Variants in PDLIM1 observed in about 807,000 individuals in gnomAD.
The protein encoded by PDLIM1 is PDZ and LIM domain 1.
PDLIM1 carries 25 observed loss-of-function variants against 35.2 expected under a neutral mutation model. That is an observed-to-expected ratio of 0.71 (90% confidence interval 0.52 to 0.99). The LOEUF (loss-of-function observed/expected upper bound fraction) is 0.99, where lower values mean the gene tolerates loss of function less well. Among genes scored for constraint, PDLIM1 ranks in the 50% least tolerant of loss-of-function variants. The pLI is 0.00. For missense variants in PDLIM1, 363 were observed against 415.3 expected, an observed-to-expected ratio of 0.87 and a Z score of 1.09; for synonymous variants, 152 against 154.0, an observed-to-expected ratio of 0.99 and a Z score of 0.10.
chr10:95,266,679 A>C (rs1025160160), intron 3 of PDLIM1, among the ~76,000 whole-genome samples: 1 of 152,194 alleles, frequency 6.6e-6, no homozygotes, highest in Admixed American at 6.5e-5. Context: ...CCACCGAAAC[A>C]CATTTCCAAT....
chr10:95,290,911 G>A lies in PDLIM1; in HGVS notation c.5C>T (p.Thr2Ile). The change falls in exon 1 of 7, where the codon ACC becomes ATC. Residue 2 changes from threonine to isoleucine, a missense_variant. Physicochemically the swap from Thr to Ile is moderately conservative, Grantham distance 89. Transcript: ENST00000329399. This position sits in a 1 kb window ranked among gnomAD's most constrained non-coding sequence, Gnocchi z 4.7. M[T>I]TQQIDLQGPG... is the part of the protein sequence containing the mutation. The stretch of plus-strand genomic sequence containing the variant: ...GCCCTGGAGGTCTATCTGCTGGGTG[G>A]TCATGGCGCGGCTGTGGCGGGCGAC... The A allele has an allele frequency of 6.5e-7, 1 of 1,549,928 alleles. No individual in the cohort carries two copies.
chr10:95,277,758 C>T (rs1330917793), intron 1 of PDLIM1, among the ~76,000 whole-genome samples: 4 of 152,234 alleles, frequency 2.6e-5, no homozygotes, highest in African/African-American at 9.7e-5. Flanking sequence ...TTCGTCCCCA[C>T]CAGCACCCCA....
rs996660935 is a variant in PDLIM1 at position 95,266,404 on chromosome 10, T to C, written c.334-2341A>G. On this transcript the variant is annotated intron_variant, in intron 3 of 6. Transcript: ENST00000329399. Reference sequence around the variant, plus strand: ...TGTGCCGCAGCCAGGATGGTCATTCTTTCTTCTTCTCTCCATCACCATGGC... The same window carrying C: ...TGTGCCGCAGCCAGGATGGTCATTCCTTCTTCTTCTCTCCATCACCATGGC... Among the ~76,000 whole-genome samples, 24 of 152,136 alleles carry C rather than the reference T, an allele frequency of 1.6e-4. 1 individual carries two copies. The highest frequency in any genetic ancestry group is 5.8e-4 in the African/African-American group (24 of 41,414).
At position 95,285,440 on chromosome 10, in the gene PDLIM1, G is replaced by A. The variant is rs112763678; in HGVS notation, c.96+5380C>T. 4.9e-4 allele frequency among the ~76,000 whole-genome samples: 74 copies of A among 152,308 alleles called. 1 individual carries two copies. Among genetic ancestry groups the A allele is most frequent in the African/African-American group, 1.6e-3 (66 of 41,570 alleles). ...CACTGTTAGCAATGAAATATTGACA[G>A]TTATGGCTTATTAGGAGGCAGAATA... On this transcript the variant is annotated intron_variant, in intron 1 of 6. Coordinates refer to ENST00000329399, the MANE Select transcript of PDLIM1 (RefSeq NM_020992.4).
chr10:95,264,830 C>G (rs2035398849), intron 3 of PDLIM1, among the ~76,000 whole-genome samples: 1 of 152,166 alleles, frequency 6.6e-6, no homozygotes, highest in Non-Finnish European at 1.5e-5. Flanking sequence ...ATTACTACAG[C>G]TACAACATCT....
intron 2 of PDLIM1, among the ~76,000 whole-genome samples, chr10:95,270,525 G>A (rs372451277): frequency 4.3e-4 from 65 of 152,170 alleles, no homozygotes; most frequent in African/African-American, 1.5e-3. Flanking sequence ...CTGCCTTTGC[G>A]GGACCCCTTC....
At chr10:95,251,293 A>G (rs1279818445) in intron 4 of PDLIM1, among the ~76,000 whole-genome samples, 1 of 151,552 alleles carries the variant, frequency 6.6e-6, no homozygotes, top group Non-Finnish European at 1.5e-5. Flanking sequence ...ATCTGTATAT[A>G]AATCTCAGCT....
At chr10:95,282,565 G>A (rs185768837) in intron 1 of PDLIM1, among the ~76,000 whole-genome samples, 1 of 152,302 alleles carries the variant, frequency 6.6e-6, no homozygotes, top group East Asian at 1.9e-4. Context: ...TGCTCTCTCA[G>A]TCTGAAAGAC....
chr10:95,275,073 C>A (rs142773966), intron 1 of PDLIM1, among the ~76,000 whole-genome samples: 2 of 152,176 alleles, frequency 1.3e-5, no homozygotes, highest in Non-Finnish European at 2.9e-5. Context: ...CTGTAAATAA[C>A]ACCCCTATTG....
In PDLIM1 at chr10:95,264,021, G is replaced by T. The variant is rs2133426504; in HGVS notation, c.376C>A (p.Pro126Thr). The T allele has an allele frequency of 6.2e-7, 1 of 1,613,766 alleles. No individual in the cohort carries two copies. The highest frequency in any genetic ancestry group is 8.5e-7 in the Non-Finnish European group (1 of 1,179,868). Residue 126 changes from proline to threonine, a missense_variant, in exon 4 of 7, where the codon CCC (proline) becomes ACC (threonine). Transcript: ENST00000329399. The stretch of plus-strand genomic sequence containing the variant: ...CTGGAGGCAGGCGAGGCGGTAAAGG[G>T]CATGGCACTTCGGTTGTGGGCGCTT... ...IGSAHNRSAM[P>T]FTASPASSTT...
intron 4 of PDLIM1, among the ~76,000 whole-genome samples, chr10:95,251,077 G>T (rs142501534): frequency 1.3e-5 from 2 of 152,260 alleles, no homozygotes; most frequent in Non-Finnish European, 2.9e-5. Context: ...TCTCACACCT[G>T]CTCCAGCCAA....
At chr10:95,277,893 CT>C (rs1346659759) in intron 1 of PDLIM1, among the ~76,000 whole-genome samples, 1 of 152,340 alleles carries the variant, frequency 6.6e-6, no homozygotes, top group African/African-American at 2.4e-5. Context: ...AACTGCACTT[CT>C]AACTGGTGTA....
chr10:95,247,364 A>G lies in PDLIM1; in HGVS notation c.536T>C (p.Leu179Ser), dbSNP rs770370308. 6.2e-7 allele frequency: 1 copy of G among 1,607,654 alleles called. No homozygotes were observed. The highest frequency in any genetic ancestry group is 8.5e-7 in the Non-Finnish European group (1 of 1,178,364). ...ASGVEANSRP[L>S]DHAQPPSSLV... ...GCTGCTTGGAGGCTGAGCATGGTCT[A>G]AGCTGTAAAGAATGTTTGAAAAATT... The change falls in exon 5 of 7, where the codon TTA becomes TCA. Residue 179 changes from leucine to serine, a missense_variant and splice_region_variant. Physicochemically the swap from Leu to Ser is moderately radical, Grantham distance 145. Transcript: ENST00000329399.
chr10:95,252,642 A>G (rs968706711), intron 4 of PDLIM1, among the ~76,000 whole-genome samples: 10 of 152,240 alleles, frequency 6.6e-5, no homozygotes, highest in South Asian at 4.1e-4. Flanking sequence ...AAATGTTTCA[A>G]TGAACAATTA....
intron 1 of PDLIM1, among the ~76,000 whole-genome samples, chr10:95,280,122 T>C (rs557643364): frequency 6.6e-6 from 1 of 152,346 alleles, no homozygotes; most frequent in South Asian, 2.1e-4. Flanking sequence ...ACACCTGTAA[T>C]CCCAGCTCTC....
chr10:95,289,904 T>G (rs556427215), intron 1 of PDLIM1, among the ~76,000 whole-genome samples: 1 of 152,332 alleles, frequency 6.6e-6, no homozygotes, highest in South Asian at 2.1e-4. Context: ...ACGTGACATC[T>G]CTTAGTGGGA....
At chr10:95,258,902 C>T (rs2035338681) in intron 4 of PDLIM1, among the ~76,000 whole-genome samples, 1 of 151,870 alleles carries the variant, frequency 6.6e-6, no homozygotes, top group Non-Finnish European at 1.5e-5. Context: ...ATACAAAAAC[C>T]TAAATAAATC....
rs536833176 is a variant in PDLIM1, at chr10:95,273,590, C to G, written c.97-1806G>C. On this transcript the variant is annotated intron_variant, in intron 1 of 6. Coordinates refer to ENST00000329399, the MANE Select transcript of PDLIM1 (RefSeq NM_020992.4). The stretch of plus-strand genomic sequence containing the variant: ...TGTGGCAGGATGTGGAAACCAGTAC[C>G]GAGATCCTGACCTCCTAACCTTCCT... Among the ~76,000 whole-genome samples the G allele has an allele frequency of 6.6e-5, 10 of 152,282 alleles. No individual in the cohort carries two copies. In the East Asian group the frequency reaches 1.9e-3, roughly 29 times the overall value.
intron 1 of PDLIM1, among the ~76,000 whole-genome samples, chr10:95,279,978 T>C (rs1347195093): frequency 6.6e-6 from 1 of 152,210 alleles, no homozygotes. Flanking sequence ...TTCTTAAAAG[T>C]TGCATTTTTT....
Sources: gnomAD v4.1 joint callset for allele counts (sites outside exome capture counted in the v4.1 genomes callset) on GRCh38, gnomAD v4.1.1 for gene constraint, Gnocchi (gnomAD v3.1) non-coding constraint, MANE v1.5 for transcripts, NCBI Gene and HGNC (gene_info 2026-07-23, HGNC 2026-07-21) for gene names.